CPSF1: variants seen among roughly 807,000 people sequenced by gnomAD.
CPSF1 encodes cleavage and polyadenylation specificity factor subunit 1.
A neutral mutation model predicts 175.8 loss-of-function variants in CPSF1; 106 were observed. The ratio of observed to expected loss-of-function variants is 0.60; its 90% confidence interval spans 0.52 to 0.71. CPSF1 has a LOEUF of 0.71. CPSF1 is among the 30% of genes least tolerant of loss of function. The pLI, the probability that CPSF1 is intolerant of heterozygous loss-of-function variation, is 0.00. For synonymous variants in CPSF1, 1,024 were observed against 858.3 expected, an observed-to-expected ratio of 1.19 and a Z score of -3.37; for missense variants, 1,734 against 2,022.9, an observed-to-expected ratio of 0.86 and a Z score of 2.74.
At chr8:144,393,431 G>A (rs1554862015) in intron 37 of CPSF1, 21 bp downstream of exon 37, 1 of 1,532,110 alleles carries the variant, frequency 6.5e-7, no homozygotes, top group South Asian at 1.2e-5. Flanking sequence ...GGGGCGCGCG[G>A]GGGGCGGGGC....
Position 144,395,035 on chromosome 8 carries a change from AG to A in CPSF1, c.3273-13del. On this transcript the variant is annotated splice_polypyrimidine_tract_variant and intron_variant, in intron 29 of 37. Coordinates refer to ENST00000616140, the MANE Select transcript of CPSF1 (RefSeq NM_013291.3). ...CCTGCAGCTCGATCCTGTGGGGGCC[AG>A]GGGCCTCAGGATGCTGCCTGGAGGC... 5.6e-6 allele frequency: 9 copies of A among 1,605,542 alleles called. No homozygotes were observed. Among genetic ancestry groups the A allele is most frequent in the Non-Finnish European group, 7.7e-6 (9 of 1,174,844 alleles).
In CPSF1 at chr8:144,396,725, TTGA is replaced by T; in HGVS notation, c.2696_2698del (p.Ile899del). 1.2e-6 allele frequency: 2 copies of T among 1,613,824 alleles called. No individual in the cohort carries two copies. The highest frequency in any genetic ancestry group is 1.7e-6 in the Non-Finnish European group (2 of 1,179,966). ...TGGCTTTGGCTTCTTCTCACGGAAGTTGATGTTGTGAGGGACCTGGGGGGGAAC... is the reference window on the plus strand; with the variant it reads ...TGGCTTTGGCTTCTTCTCACGGAAGTTGTTGTGAGGGACCTGGGGGGGAAC... On this transcript the variant is annotated inframe_deletion, in exon 25 of 38. Coordinates refer to ENST00000616140, the MANE Select transcript of CPSF1 (RefSeq NM_013291.3).
chr8:144,394,934 A>G lies in CPSF1; in HGVS notation c.3362T>C (p.Val1121Ala), dbSNP rs1820616107. 1.9e-6 allele frequency: 3 copies of G among 1,612,862 alleles called. No homozygotes were observed. The highest frequency in any genetic ancestry group is 2.5e-6 in the Non-Finnish European group (3 of 1,179,924). The change falls in exon 30 of 38, where the codon GTG becomes GCG. Residue 1121 changes from valine (V) to alanine (A), a missense_variant. Coordinates refer to ENST00000616140, the MANE Select transcript of CPSF1 (RefSeq NM_013291.3). ...CTGCATGAGGCAGGTCCCGGCGGCC[A>G]CGTAGCCTTTGAGGCCCGACACGGT... ...EETVSGLKGY[V>A]AAGTCLMQGE...
intron 23 of CPSF1, 41 bp downstream of exon 23, chr8:144,397,165 AG>A (rs1168823871): frequency 1.3e-6 from 2 of 1,492,724 alleles, no homozygotes; most frequent in Non-Finnish European, 1.8e-6. Context: ...GGGCAGGGCC[AG>A]GGGGAAGATG....
Position 144,395,103 on chromosome 8 carries a change from A to G in CPSF1, c.3267T>C (p.Asn1089=), listed in dbSNP as rs782307082. 85 of 1,609,958 alleles carry G rather than the reference A, an allele frequency of 5.3e-5. No individual in the cohort carries two copies. The highest frequency in any genetic ancestry group is 7.1e-5 in the Non-Finnish European group (84 of 1,178,018). ...CCCCGCCGGCCCAGCCTCACCTGGC[A>G]TTGGGAATAGCCTCCCAGCTGACCG... ...ISPVSWEAIP[N]ARIELQEWEH... is the part of the protein sequence containing the mutation. The change falls in exon 29 of 38, where the codon AAT becomes AAC. Residue 1089 remains asparagine (N), a synonymous_variant. Transcript: ENST00000616140.
chr8:144,396,136 G>C (rs903079388), intron 26 of CPSF1: 3 of 597,550 alleles, frequency 5.0e-6, no homozygotes, highest in Non-Finnish European at 8.8e-6. Context: ...GGGACCCCAG[G>C]GGCTGCAGCC....
At chr8:144,396,239 C>T in intron 26 of CPSF1, 109 bp downstream of exon 26, 2 of 1,188,646 alleles carry the variant, frequency 1.7e-6, no homozygotes, top group Non-Finnish European at 2.4e-6. Flanking sequence ...CTGGACACTC[C>T]TTCCTGGTCC....
At chr8:144,403,269 G>T (rs1258202694) in intron 2 of CPSF1, among the ~76,000 whole-genome samples, 1 of 151,946 alleles carries the variant, frequency 6.6e-6, no homozygotes, top group Admixed American at 6.6e-5. Flanking sequence ...GCTAATTTTT[G>T]TATTTTTAGT....
In CPSF1 at chr8:144,399,651, G is replaced by A. The variant is rs2116864887; in HGVS notation, c.1179C>T (p.Leu393=). The A allele has an allele frequency of 6.8e-6, 11 of 1,610,874 alleles. No individual in the cohort carries two copies. In the Admixed American group the frequency reaches 8.4e-5, roughly 12 times the overall value. ...FLGSRLGNSL[L]LKYTEKLQEP... Reference sequence around the variant, plus strand: ...CCTGCAGCTTCTCCGTGTACTTGAGGAGGAGGGAATTGCCCAGGCGAGAAC... The same window carrying A: ...CCTGCAGCTTCTCCGTGTACTTGAGAAGGAGGGAATTGCCCAGGCGAGAAC... The change falls in exon 12 of 38, where the codon CTC becomes CTT. Residue 393 remains leucine (L), a synonymous_variant. Coordinates refer to ENST00000616140, the MANE Select transcript of CPSF1 (RefSeq NM_013291.3). The surrounding 1 kb of genome is among the most constrained non-coding windows in gnomAD (Gnocchi z 6.4).
Position 144,398,805 on chromosome 8 carries a change from C to T in CPSF1, c.1612G>A (p.Val538Ile). 6.2e-7 allele frequency: 1 copy of T among 1,605,408 alleles called. No homozygotes were observed. Among genetic ancestry groups the T allele is most frequent in the Non-Finnish European group, 8.5e-7 (1 of 1,173,978 alleles). Reference sequence around the variant, plus strand: ...TCCTCCTTACGCACCGGGGCGATGACTGTCCACATGTCATAGCAGCCGGGA... The same window carrying T: ...TCCTCCTTACGCACCGGGGCGATGATTGTCCACATGTCATAGCAGCCGGGA... ...ELPGCYDMWTVIAPVRKEEED... is the reference protein window; with the variant it reads ...ELPGCYDMWTIIAPVRKEEED... The change falls in exon 17 of 38, where the codon GTC (valine) becomes ATC (isoleucine). Residue 538 changes from valine to isoleucine, a missense_variant. Around this residue, in one of 10 missense-constraint regions of CPSF1, gnomAD observed 280 missense variants for 349.2 expected, o/e 0.80. Coordinates refer to ENST00000616140, the MANE Select transcript of CPSF1 (RefSeq NM_013291.3).
intron 24 of CPSF1, 21 bp downstream of exon 24, chr8:144,396,819 C>T (rs543691226): frequency 6.2e-7 from 1 of 1,613,734 alleles, no homozygotes; most frequent in South Asian, 1.1e-5. Context: ...CCCCACGCCC[C>T]AGCAGTCCAG....
chr8:144,407,058 A>G (rs1267545051), intron 2 of CPSF1, among the ~76,000 whole-genome samples: 1 of 151,706 alleles, frequency 6.6e-6, no homozygotes, highest in Non-Finnish European at 1.5e-5. Flanking sequence ...GGGATTACAG[A>G]TGCCTGCCAC....
At position 144,399,734 on chromosome 8, in the gene CPSF1, G is replaced by A. The variant is rs2116865688; in HGVS notation, c.1120-24C>T. 1.9e-6 allele frequency: 3 copies of A among 1,603,298 alleles called. No individual in the cohort carries two copies. The South Asian group carries it at 3.4e-5, about 18-fold the overall frequency. The stretch of plus-strand genomic sequence containing the variant: ...ATCTGAGGGAGGGCAGGTGTGTGAT[G>A]GCTGGGCCGGGTCTGGACCCAGACC... On this transcript the variant is annotated intron_variant, in intron 11 of 37. Coordinates refer to ENST00000616140, the MANE Select transcript of CPSF1 (RefSeq NM_013291.3). The surrounding 1 kb of genome is among the most constrained non-coding windows in gnomAD (Gnocchi z 6.4).
chr8:144,396,051 C>T (rs1171481606), intron 26 of CPSF1: 3 of 472,944 alleles, frequency 6.3e-6, no homozygotes, highest in Non-Finnish European at 1.1e-5. Context: ...AGCTAGCACT[C>T]ACGTCAGCTC....
rs782681571 is a variant in CPSF1, at chr8:144,394,424, C to G, written c.3699G>C (p.Leu1233=). ...LAADVMKSIS[L]LRYQEESKTL... ...TCTTGCTTTCCTCCTGGTAGCGCAG[C>G]AGCGAAATGCTCTTCATGACGTCGG... Residue 1233 remains leucine (L), a synonymous_variant, in exon 32 of 38, where the codon CTG becomes CTC. Transcript: ENST00000616140. 2.5e-6 allele frequency: 4 copies of G among 1,608,324 alleles called. No individual in the cohort carries two copies. The highest frequency in any genetic ancestry group is 3.4e-6 in the Non-Finnish European group (4 of 1,178,012).
At position 144,400,288 on chromosome 8, in the gene CPSF1, C is replaced by G. The variant is rs782571059; in HGVS notation, c.827-12G>C. The G allele has an allele frequency of 1.9e-6, 3 of 1,607,848 alleles. No homozygotes were observed. The highest frequency in any genetic ancestry group is 2.6e-6 in the Non-Finnish European group (3 of 1,175,560). ...CACCACCACCCCACCTGGAGGTGGA[C>G]ACAGGCTGGTGGGCAGGCTCAGTGC... On this transcript the variant is annotated splice_polypyrimidine_tract_variant and intron_variant, in intron 8 of 37. Coordinates refer to ENST00000616140, the MANE Select transcript of CPSF1 (RefSeq NM_013291.3).
At position 144,401,095 on chromosome 8, in the gene CPSF1, C is replaced by T. The variant is rs2116881311; in HGVS notation, c.388-20G>A. The T allele has an allele frequency of 2.1e-5, 33 of 1,604,046 alleles. No individual in the cohort carries two copies. In the South Asian group the frequency reaches 3.3e-4, roughly 16 times the overall value. On this transcript the variant is annotated intron_variant, in intron 5 of 37. Coordinates refer to ENST00000616140, the MANE Select transcript of CPSF1 (RefSeq NM_013291.3). ...CCCGTCCTGGGGGCAGAGGGGGCAT[C>T]AGCCAGGCCCAGCATAGGAGACCCC...
intron 9 of CPSF1, 31 bp downstream of exon 9, chr8:144,400,135 G>GGGGGGCGGCCCCCCCCCCCCCCCCCCCC: frequency 1.1e-6 from 1 of 896,012 alleles, no homozygotes; most frequent in Non-Finnish European, 1.6e-6. Context: ...CCGTCCCCGG[G>GGGGGGCGGCCCCCCCCCCCCCCCCCCCC]CCCCCCCCGC....
chr8:144,398,560 C>A lies in CPSF1; in HGVS notation c.1717G>T (p.Gly573Ter). ...TCTTCCCGGCTCAGAATCAGGAATCCGTGTCTGCGGCCGTCGTCGTCTGCT... is the reference window on the plus strand; with the variant it reads ...TCTTCCCGGCTCAGAATCAGGAATCAGTGTCTGCGGCCGTCGTCGTCTGCT... Reference protein sequence around the residue: ...PEADDDGRRHGFLILSREDST... With the variant: ...PEADDDGRRH The change falls in exon 18 of 38, where the codon GGA becomes TGA. Residue 573 changes from glycine to a stop codon, truncating the protein, a stop_gained. Coordinates refer to ENST00000616140, the MANE Select transcript of CPSF1 (RefSeq NM_013291.3). LOFTEE classifies it high-confidence loss of function. The A allele has an allele frequency of 6.2e-7, 1 of 1,613,914 alleles. No homozygotes were observed. The highest frequency in any genetic ancestry group is 8.5e-7 in the Non-Finnish European group (1 of 1,179,962).
Sources: allele counts gnomAD v4.1 joint callset (sites outside exome capture counted in the v4.1 genomes callset), GRCh38; gene constraint gnomAD v4.1.1; regional missense constraint gnomAD v4.1.1; non-coding constraint Gnocchi (gnomAD v3.1); transcripts MANE v1.5; gene names NCBI Gene and HGNC (gene_info 2026-07-23, HGNC 2026-07-21).